The following PTGER3 variants were observed in gnomAD, a reference collection of about 807,000 sequenced individuals.
PTGER3 encodes the protein prostaglandin E receptor 3.
A neutral mutation model predicts 34.7 loss-of-function variants in PTGER3; 22 were observed. The ratio of observed to expected loss-of-function variants is 0.63; its 90% CI spans 0.45 to 0.91. The LOEUF is 0.91. PTGER3 is among the 40% of genes least tolerant of loss of function. The pLI is 0.00. For synonymous variants in PTGER3, 241 were observed against 230.1 expected (o/e 1.05, Z -0.43); for missense variants, 468 against 519.4 (o/e 0.90, Z 0.96).
intron 4 of PTGER3, among the ~76,000 whole-genome samples, chr1:70,858,283 A>T (rs1225703917): frequency 1.3e-5 from 2 of 152,068 alleles, no homozygotes; most frequent in African/African-American, 4.8e-5. Context: ...TACACAGAAA[A>T]AGGAAACAAC....
chr1:70,867,332 T>C (rs1646064320), intron 4 of PTGER3, among the ~76,000 whole-genome samples: 1 of 152,248 alleles, frequency 6.6e-6, no homozygotes, highest in Non-Finnish European at 1.5e-5. Flanking sequence ...TTCATATTTA[T>C]TTGTTTGCTT....
At chr1:70,995,131 C>T (rs1266713930) in intron 2 of PTGER3, among the ~76,000 whole-genome samples, 1 of 152,114 alleles carries the variant, frequency 6.6e-6, no homozygotes, top group Non-Finnish European at 1.5e-5. Context: ...AAGGAAACAA[C>T]TCTTAGGGTA....
rs767855707 is a variant in PTGER3, at chr1:71,047,446, G to A, written c.132C>T (p.Gly44=). 6 of 1,611,002 alleles carry A rather than the reference G, an allele frequency of 3.7e-6. No individual in the cohort carries two copies. The South Asian group carries it at 4.4e-5, about 12-fold the overall frequency. The part of the protein sequence containing the change: ...RGNLTRPPGS[G]EDCGSVSVAF... ...CCACGGACACCGATCCGCAATCCTC[G>A]CCAGACCCTGGAGGGCGCGTGAGGT... is the stretch of plus-strand genomic sequence containing the variant. Residue 44 remains glycine, a synonymous_variant, in exon 1 of 4, where the codon GGC becomes GGT. Transcript: ENST00000306666.
chr1:70,991,372 AC>A (rs2100771696), intron 2 of PTGER3, among the ~76,000 whole-genome samples: 1 of 151,976 alleles, frequency 6.6e-6, no homozygotes, highest in East Asian at 1.9e-4. Flanking sequence ...TCCTCTCCAA[AC>A]CCTCAGTCTT....
At chr1:70,930,353 A>T (rs1463485373) in intron 4 of PTGER3, among the ~76,000 whole-genome samples, 1 of 152,118 alleles carries the variant, frequency 6.6e-6, no homozygotes, top group Non-Finnish European at 1.5e-5. Flanking sequence ...TCTTGTCCTT[A>T]CCTGAGTTTT....
chr1:70,974,087 G>T (rs2100690632), intron 3 of PTGER3, among the ~76,000 whole-genome samples: 1 of 152,242 alleles, frequency 6.6e-6, no homozygotes, highest in South Asian at 2.1e-4. Context: ...TCAGACTCAA[G>T]CCAGTTTCAA....
chr1:70,860,732 C>T (rs1645909965), intron 4 of PTGER3, among the ~76,000 whole-genome samples: 2 of 152,044 alleles, frequency 1.3e-5, no homozygotes, highest in Admixed American at 1.3e-4. Context: ...CCTTATTGTA[C>T]ATCATAAAGT....
chr1:70,995,746 A>G (rs1364800012), intron 2 of PTGER3, among the ~76,000 whole-genome samples: 1 of 152,174 alleles, frequency 6.6e-6, no homozygotes, highest in Non-Finnish European at 1.5e-5. Flanking sequence ...AATGCCTTAG[A>G]AAGTACAAAA....
intron 4 of PTGER3, among the ~76,000 whole-genome samples, chr1:70,862,968 A>G (rs891640269): frequency 1.3e-5 from 2 of 152,118 alleles, no homozygotes; most frequent in Non-Finnish European, 2.9e-5. Context: ...AGCTCCAGGC[A>G]AGGCAGGAAA....
At chr1:70,877,692 G>A (rs1646302431) in intron 4 of PTGER3, among the ~76,000 whole-genome samples, 1 of 152,072 alleles carries the variant, frequency 6.6e-6, no homozygotes, top group Non-Finnish European at 1.5e-5. Flanking sequence ...GAGCTTTTTT[G>A]TACCTATTAA....
chr1:70,909,846 C>A (rs373109393), intron 4 of PTGER3, among the ~76,000 whole-genome samples: 1 of 152,194 alleles, frequency 6.6e-6, no homozygotes, highest in African/African-American at 2.4e-5. Context: ...AGAGTATTAG[C>A]TTTCTTCACT....
At chr1:71,008,085 C>G (rs1165601612) in intron 2 of PTGER3, 4 of 982,226 alleles carry the variant, frequency 4.1e-6, no homozygotes, top group Non-Finnish European at 4.8e-6. Context: ...AAAACAATCC[C>G]AGCCTCATCA....
intron 4 of PTGER3, among the ~76,000 whole-genome samples, chr1:70,939,183 C>T (rs1649525575): frequency 6.6e-6 from 1 of 152,194 alleles, no homozygotes; most frequent in Non-Finnish European, 1.5e-5. Flanking sequence ...GGGGCAGTCA[C>T]ATTTAAAAGC....
intron 4 of PTGER3, among the ~76,000 whole-genome samples, chr1:70,891,449 C>A (rs1041228610): frequency 6.6e-6 from 1 of 152,126 alleles, no homozygotes; most frequent in Non-Finnish European, 1.5e-5. Flanking sequence ...ACACTCCTAG[C>A]ACTGCTCTGT....
Position 70,924,800 on chromosome 1 carries a change from T to C in PTGER3, c.*23+28963A>G, listed in dbSNP as rs1172097453. Among the ~76,000 whole-genome samples the C allele has an allele frequency of 5.3e-5, 8 of 152,160 alleles. No individual in the cohort carries two copies. The East Asian group carries it at 1.5e-3, about 29-fold the overall frequency. On this transcript the variant is annotated intron_variant, in intron 4 of 4. Coordinates refer to the PTGER3 transcript ENST00000370931. ...TTTTTCCTTTACTTTCCTAATAAACTTGCTTTCACTTTAATCCATGAACTC... is the reference window on the plus strand; with the variant it reads ...TTTTTCCTTTACTTTCCTAATAAACCTGCTTTCACTTTAATCCATGAACTC...
At chr1:70,876,508 G>T (rs1450741951) in intron 4 of PTGER3, among the ~76,000 whole-genome samples, 3 of 151,834 alleles carry the variant, frequency 2.0e-5, no homozygotes, top group East Asian at 3.9e-4. Flanking sequence ...ATTGTTTTTG[G>T]TGTCTTCATA....
chr1:70,933,221 A>T (rs896672228), intron 4 of PTGER3, among the ~76,000 whole-genome samples: 5 of 152,094 alleles, frequency 3.3e-5, no homozygotes, highest in Non-Finnish European at 1.5e-5. Context: ...GACTTATAGC[A>T]GTTTCCCTTG....
intron 4 of PTGER3, chr1:70,865,876 G>T (rs755289581): frequency 8.0e-7 from 1 of 1,251,746 alleles, no homozygotes; most frequent in Admixed American, 2.0e-5. Flanking sequence ...GAGGCAGGAA[G>T]ACACTCATCT....
chr1:70,882,729 A>C (rs974441037), intron 4 of PTGER3, among the ~76,000 whole-genome samples: 1 of 152,048 alleles, frequency 6.6e-6, no homozygotes, highest in African/African-American at 2.4e-5. Flanking sequence ...CCCTGTGGAG[A>C]GTGCGAATCT....
Sources: allele counts gnomAD v4.1 joint callset (sites outside exome capture counted in the v4.1 genomes callset), GRCh38; gene constraint gnomAD v4.1.1; transcripts MANE v1.5; gene names NCBI Gene and HGNC (gene_info 2026-07-23, HGNC 2026-07-21).